The following EXOC6 variants were observed in gnomAD, a reference collection of about 807,000 sequenced individuals.
The protein encoded by EXOC6 is SEC15-like 1.
EXOC6 carries 60 observed loss-of-function variants against 112.5 expected under a neutral mutation model. The ratio of observed to expected loss-of-function variants is 0.53; its 90% CI spans 0.43 to 0.66. The LOEUF is 0.66. Ranked by LOEUF, EXOC6 falls within the 30% of genes least tolerant of loss-of-function variation. EXOC6 has a pLI of 0.00. For synonymous variants in EXOC6, 295 were observed against 308.0 expected (o/e 0.96, Z 0.44); for missense variants, 855 against 957.1 (o/e 0.89, Z 1.41).
intron 17 of EXOC6, among the ~76,000 whole-genome samples, chr10:92,962,352 G>A (rs939114341): frequency 6.6e-6 from 1 of 151,948 alleles, no homozygotes; most frequent in Non-Finnish European, 1.5e-5. Context: ...AAGCAAAAAT[G>A]TATATATAAT....
At chr10:92,847,634 T>G (rs1847100122), upstream of EXOC6, among the ~76,000 whole-genome samples, 1 of 152,170 alleles carries the variant, frequency 6.6e-6, no homozygotes, top group South Asian at 2.1e-4. Context: ...ACAAACTGGT[T>G]TACTCAGTGT....
intron 13 of EXOC6, among the ~76,000 whole-genome samples, chr10:92,942,064 A>G (rs1852698197): frequency 1.3e-5 from 2 of 152,190 alleles, no homozygotes; most frequent in South Asian, 2.1e-4. Flanking sequence ...TCAACTTTCA[A>G]AACTATGGAG....
At chr10:92,959,022 A>T (rs952716051) in intron 17 of EXOC6, among the ~76,000 whole-genome samples, 5 of 151,758 alleles carry the variant, frequency 3.3e-5, no homozygotes, top group Non-Finnish European at 1.5e-5. Flanking sequence ...TGAACCCGGG[A>T]GGTAGAGGTT....
intron 20 of EXOC6, among the ~76,000 whole-genome samples, chr10:93,017,787 G>A (rs1042819418): frequency 6.6e-5 from 10 of 151,980 alleles, no homozygotes; most frequent in African/African-American, 2.2e-4. Context: ...TGAGGTGGGC[G>A]GATCATGAGG....
chr10:93,009,219 TAACTA>T (rs1233216453), intron 19 of EXOC6, among the ~76,000 whole-genome samples: 7 of 152,012 alleles, frequency 4.6e-5, no homozygotes, highest in Non-Finnish European at 1.0e-4. Context: ...CAAAAAAAAT[TAACTA>T]AAATAAAACC....
At chr10:92,843,577 C>T (rs1341013461), upstream of EXOC6, among the ~76,000 whole-genome samples, 4 of 152,000 alleles carry the variant, frequency 2.6e-5, no homozygotes, top group Admixed American at 6.6e-5. Flanking sequence ...TGGCCGGGCG[C>T]GGTGGCTCAC....
intron 13 of EXOC6, among the ~76,000 whole-genome samples, chr10:92,942,404 T>G (rs969833202): frequency 2.6e-5 from 4 of 152,002 alleles, no homozygotes; most frequent in Non-Finnish European, 5.9e-5. Flanking sequence ...TTAAAAAATA[T>G]TTTTTAGTGC....
intron 18 of EXOC6, among the ~76,000 whole-genome samples, chr10:92,989,622 AC>A (rs1843149960): frequency 6.6e-6 from 1 of 152,132 alleles, no homozygotes; most frequent in African/African-American, 2.4e-5. Context: ...GAAGACACAG[AC>A]CCTTAGGCTT....
intron 1 of EXOC6, among the ~76,000 whole-genome samples, chr10:92,864,363 C>T (rs1482599344): frequency 6.6e-6 from 1 of 152,178 alleles, no homozygotes; most frequent in Non-Finnish European, 1.5e-5. Context: ...CAAGTTTTGT[C>T]CTTCACTGTG....
At chr10:92,934,037 A>T in intron 9 of EXOC6, 107 bp from the exon 10 acceptor site, 1 of 655,906 alleles carries the variant, frequency 1.5e-6, no homozygotes. Flanking sequence ...CGTGGCATAT[A>T]GTAGACTCTC....
chr10:92,994,030 G>A (rs976205815), intron 18 of EXOC6, among the ~76,000 whole-genome samples: 4 of 152,318 alleles, frequency 2.6e-5, no homozygotes, highest in Middle Eastern at 3.4e-3. Flanking sequence ...TCTGTCACCG[G>A]CTGGTTAATT....
chr10:92,968,847 A>C (rs1842174567), intron 17 of EXOC6, among the ~76,000 whole-genome samples: 1 of 152,196 alleles, frequency 6.6e-6, no homozygotes, highest in Non-Finnish European at 1.5e-5. Context: ...AAGATAAGTG[A>C]AATAGTGGGA....
At chr10:93,031,115 A>G (rs1184640645) in intron 20 of EXOC6, among the ~76,000 whole-genome samples, 5 of 152,174 alleles carry the variant, frequency 3.3e-5, no homozygotes, top group African/African-American at 1.2e-4. Flanking sequence ...AGGTAGAGGA[A>G]CAAAAGCTAC....
intron 17 of EXOC6, among the ~76,000 whole-genome samples, chr10:92,968,618 A>G (rs1842162034): frequency 1.3e-5 from 2 of 152,184 alleles, no homozygotes; most frequent in South Asian, 2.1e-4. Context: ...AATAGTCTCC[A>G]TACAGTTCTT....
At chr10:92,876,610 G>A (rs1409387) in intron 1 of EXOC6, among the ~76,000 whole-genome samples, 117,228 of 152,138 alleles carry the variant, frequency 0.77, 46,069 homozygotes, top group East Asian at 1. Context: ...GAATGTGATC[G>A]GAATTGCACT....
At chr10:92,903,661 CA>C (rs1344578144) in intron 5 of EXOC6, among the ~76,000 whole-genome samples, 9 of 151,804 alleles carry the variant, frequency 5.9e-5, no homozygotes, top group Middle Eastern at 3.4e-3. Flanking sequence ...TTTTTTAGAG[CA>C]GTTTTAGGTT....
intron 14 of EXOC6, 86 bp from the exon 15 acceptor site, chr10:92,952,187 G>T (rs981656344): frequency 1.3e-6 from 1 of 772,364 alleles, no homozygotes; most frequent in African/African-American, 1.8e-5. Context: ...ATTCAAGTGT[G>T]AAATCAATTT....
chr10:92,950,587 T>A (rs951644489), intron 14 of EXOC6, among the ~76,000 whole-genome samples: 2 of 152,170 alleles, frequency 1.3e-5, no homozygotes, highest in African/African-American at 4.8e-5. Context: ...TTTGCATTGC[T>A]TAAGATAGGG....
chr10:92,975,727 G>C (rs1161044844), intron 18 of EXOC6, among the ~76,000 whole-genome samples: 1 of 127,476 alleles, frequency 7.8e-6, no homozygotes, highest in Non-Finnish European at 1.7e-5. Flanking sequence ...CAGCCGCCCC[G>C]TCCGGGAGGG....
Sources: gnomAD v4.1 joint callset for allele counts (sites outside exome capture counted in the v4.1 genomes callset) on GRCh38, gnomAD v4.1.1 for gene constraint, MANE v1.5 for transcripts, NCBI Gene and HGNC (gene_info 2026-07-23, HGNC 2026-07-21) for gene names.